The following FOXP4 variants were observed in gnomAD, a reference collection of about 807,000 sequenced individuals.
FOXP4 encodes forkhead box protein P4.
Under a neutral mutation model 82.6 loss-of-function variants are expected in FOXP4, and 25 were observed. That is an observed-to-expected ratio of 0.30 (90% CI 0.22 to 0.42). The LOEUF is 0.42. Among genes scored for constraint, FOXP4 ranks in the 10% least tolerant of loss-of-function variants. The pLI, the probability that FOXP4 is intolerant of heterozygous loss-of-function variation, is 1.00. For synonymous variants in FOXP4, 415 were observed against 388.2 expected (o/e 1.07, Z -0.81); for missense variants, 785 against 900.9 (o/e 0.87, Z 1.65).
At chr6:41,578,617 T>G (rs905983993) in intron 3 of FOXP4, among the ~76,000 whole-genome samples, 1 of 151,004 alleles carries the variant, frequency 6.6e-6, no homozygotes, top group African/African-American at 2.4e-5. Flanking sequence ...GTCTCTTTTG[T>G]TTTCCTTTGC....
intron 5 of FOXP4, 108 bp from the exon 6 acceptor site, chr6:41,586,901 C>T (rs1296965158): frequency 1.4e-6 from 2 of 1,445,446 alleles, no homozygotes; most frequent in Admixed American, 2.7e-5. Context: ...AACGACAGCT[C>T]CAGGGGCTGA....
At chr6:41,590,461 C>CTCCCTCTCACGTGGCGGTCT in intron 12 of FOXP4, 114 bp downstream of exon 12, 1 of 1,112,032 alleles carries the variant, frequency 9.0e-7, no homozygotes, top group South Asian at 1.5e-5. Context: ...AGCTGTCCCG[C>CTCCCTCTCACGTGGCGGTCT]TCCCTCTCAC....
At chr6:41,595,017 C>T (rs1561807187) in intron 14 of FOXP4, 26 bp downstream of exon 14, 3 of 1,613,358 alleles carry the variant, frequency 1.9e-6, no homozygotes, top group Non-Finnish European at 2.5e-6. Context: ...GCTGGATGGG[C>T]TGTACCTGCC....
intron 3 of FOXP4, among the ~76,000 whole-genome samples, chr6:41,583,580 T>C (rs1333018685): frequency 6.6e-6 from 1 of 152,174 alleles, no homozygotes; most frequent in East Asian, 1.9e-4. Flanking sequence ...GGGCTAACAC[T>C]TAGTGTACCT....
intron 13 of FOXP4, among the ~76,000 whole-genome samples, chr6:41,592,689 T>A (rs139459017): frequency 1.3e-5 from 2 of 152,186 alleles, no homozygotes; most frequent in Non-Finnish European, 1.5e-5. Flanking sequence ...AAAGTACTGC[T>A]AAGCCACCTA....
chr6:41,586,966 T>C (rs779982154), intron 5 of FOXP4, 43 bp from the exon 6 acceptor site: 30 of 1,536,828 alleles, frequency 2.0e-5, no homozygotes, highest in Non-Finnish European at 2.6e-5. Flanking sequence ...TGCCTGAAGC[T>C]GATGGCACCC....
chr6:41,570,544 C>T (rs889568880), intron 2 of FOXP4: 2 of 374,782 alleles, frequency 5.3e-6, no homozygotes, highest in African/African-American at 2.1e-5. Flanking sequence ...CCTAGGAGGG[C>T]AGAGGGCGGG....
intron 9 of FOXP4, among the ~76,000 whole-genome samples, chr6:41,589,532 A>G (rs1276225935): frequency 6.6e-6 from 1 of 152,202 alleles, no homozygotes; most frequent in African/African-American, 2.4e-5. Flanking sequence ...GGAGGGCTCA[A>G]ATGGTCACCA....
In FOXP4 at chr6:41,587,473, C is replaced by T. The variant is rs961561112; in HGVS notation, c.833C>T (p.Pro278Leu). ...CCCCCCCTCTCCCACCATACCCTGC[C>T]CAACGGACAGCCTACTGTGCTCACA... The part of the protein sequence containing the change: ...VSPPLSHHTL[P>L]NGQPTVLTSR... Residue 278 changes from proline to leucine, a missense_variant, in exon 7 of 17, where the codon CCC becomes CTC. By Grantham distance (98) the Pro-to-Leu change is moderately conservative. Around this residue, in one of 3 missense-constraint regions of FOXP4, gnomAD observed 570 missense variants for 634.0 expected, o/e 0.90. Transcript: ENST00000307972. The T allele has an allele frequency of 3.2e-6, 5 of 1,541,984 alleles. No individual in the cohort carries two copies. The African/African-American group carries it at 6.9e-5, about 21-fold the overall frequency.
rs1766194981 is a variant in FOXP4 at position 41,587,283 on chromosome 6, CCT to C, written c.659-15_659-14del. On this transcript the variant is annotated splice_polypyrimidine_tract_variant and intron_variant, in intron 6 of 16. Transcript: ENST00000307972. ...TGTTCGTGGGGCCCTGCCAGCCTCC[CCT>C]GTCTCTCCCACAGCAGCTGTTTGCC... 2 of 1,611,496 alleles carry C rather than the reference CCT, an allele frequency of 1.2e-6. No individual in the cohort carries two copies. The highest frequency in any genetic ancestry group is 1.7e-5 in the Admixed American group (1 of 59,984).
chr6:41,578,691 G>A (rs1033537840), intron 3 of FOXP4, among the ~76,000 whole-genome samples: 9 of 140,818 alleles, frequency 6.4e-5, no homozygotes, highest in African/African-American at 2.6e-5. Flanking sequence ...GGCTGGCTGG[G>A]GGAGGGGAGA....
At chr6:41,567,589 G>A (rs1228571865) in intron 2 of FOXP4, among the ~76,000 whole-genome samples, 1 of 152,234 alleles carries the variant, frequency 6.6e-6, no homozygotes, top group Non-Finnish European at 1.5e-5. Flanking sequence ...TGACTGTGCA[G>A]ACAGAGTTAT....
At chr6:41,596,400 G>A (rs1766835170) in intron 14 of FOXP4, among the ~76,000 whole-genome samples, 2 of 152,272 alleles carry the variant, frequency 1.3e-5, no homozygotes, top group Admixed American at 1.3e-4. Flanking sequence ...TGGGGTGTCT[G>A]CTCCCCTCAA....
In FOXP4 at chr6:41,589,867, C is replaced by G; in HGVS notation, c.1149+13C>G. ...CTTCAGCCAGCCAGTGAGTGCTGCT[C>G]CCCTCCCCGCCCCTCCCAGAGCCTT... On this transcript the variant is annotated intron_variant, in intron 10 of 16. Transcript: ENST00000307972. The G allele has an allele frequency of 1.4e-5, 22 of 1,610,134 alleles. No individual in the cohort carries two copies. The highest frequency in any genetic ancestry group is 1.9e-5 in the Non-Finnish European group (22 of 1,179,466).
chr6:41,547,378 A>G (rs1259238825), intron 1 of FOXP4: 2 of 152,170 alleles, frequency 1.3e-5, no homozygotes. Flanking sequence ...GGCTCCCCCC[A>G]ACTCTAGTCG....
At chr6:41,588,171 TC>T (rs1257364463) in intron 8 of FOXP4, among the ~76,000 whole-genome samples, 1 of 151,598 alleles carries the variant, frequency 6.6e-6, no homozygotes, top group Non-Finnish European at 1.5e-5. Flanking sequence ...GCATTACTCC[TC>T]CCCCCACCCT....
chr6:41,566,379 A>G (rs1405252042), intron 2 of FOXP4, among the ~76,000 whole-genome samples: 1 of 152,170 alleles, frequency 6.6e-6, no homozygotes, highest in Non-Finnish European at 1.5e-5. Flanking sequence ...GGATCTTCAC[A>G]TTATTTCTGT....
intron 3 of FOXP4, among the ~76,000 whole-genome samples, chr6:41,584,363 T>C (rs755304): frequency 0.38 from 58,556 of 152,114 alleles, 12,005 homozygotes; most frequent in African/African-American, 0.52. Flanking sequence ...TGGTATGCTG[T>C]CCCTCCCCAT....
At position 41,599,379 on chromosome 6, in the gene FOXP4, A is replaced by C; in HGVS notation, c.*443A>C. ...TCTGGCCAGAGGCCCCCACTTTCCT[A>C]ACTCGTGCTCCCTTCCGCCTTCTTT... On this transcript the variant is annotated 3_prime_UTR_variant, in exon 17 of 17. Transcript: ENST00000307972. 1 of 160,084 alleles carries C rather than the reference A, an allele frequency of 6.2e-6. No individual in the cohort carries two copies. 9.9% of individuals were successfully genotyped at this position (160,084 alleles called of 1,614,324 possible).
Sources: gnomAD v4.1 joint callset for allele counts (sites outside exome capture counted in the v4.1 genomes callset) on GRCh38, gnomAD v4.1.1 for gene constraint, gnomAD v4.1.1 regional missense constraint, MANE v1.5 for transcripts, NCBI Gene and HGNC (gene_info 2026-07-23, HGNC 2026-07-21) for gene names.